AOAH: variants seen among roughly 807,000 people sequenced by gnomAD.
AOAH encodes the protein acyloxyacyl hydrolase (neutrophil).
In AOAH, 64 loss-of-function variants were observed where a neutral mutation model predicts 92.2. The observed-to-expected ratio is 0.69, with a 90% CI of 0.57 to 0.86. The LOEUF (loss-of-function observed/expected upper bound fraction) is 0.86, where lower values mean the gene tolerates loss of function less well. Among genes scored for constraint, AOAH ranks in the 40% least tolerant of loss-of-function variants. The probability of loss-of-function intolerance (pLI) is 0.00; values close to 1 mark genes in which losing one functional copy is unlikely to be tolerated. For missense variants in AOAH, 656 were observed against 694.6 expected, an observed-to-expected ratio of 0.94 and a Z score of 0.62; for synonymous variants, 263 against 254.5, an observed-to-expected ratio of 1.03 and a Z score of -0.32.
chr7:36,582,850 CTTT>C (rs35810774), intron 12 of AOAH, among the ~76,000 whole-genome samples: 1 of 146,618 alleles, frequency 6.8e-6, no homozygotes. Context: ...TAGTCAGTGT[CTTT>C]TTTTTTTTTG....
At chr7:36,670,243 G>C (rs1320747110) in intron 3 of AOAH, among the ~76,000 whole-genome samples, 1 of 152,150 alleles carries the variant, frequency 6.6e-6, no homozygotes, top group East Asian at 1.9e-4. Flanking sequence ...TAAATCATGA[G>C]GTTGTCATTT....
At chr7:36,528,321 AC>A (rs1179229720) in intron 19 of AOAH, among the ~76,000 whole-genome samples, 2 of 152,200 alleles carry the variant, frequency 1.3e-5, no homozygotes, top group African/African-American at 4.8e-5. Context: ...GCTTAATTCA[AC>A]TTTTTGCTTT....
intron 4 of AOAH, among the ~76,000 whole-genome samples, chr7:36,642,232 A>G (rs149800498): frequency 1.3e-5 from 2 of 152,180 alleles, no homozygotes; most frequent in Non-Finnish European, 2.9e-5. Context: ...CCTAATAGTT[A>G]AGCTGAGATA....
chr7:36,710,677 C>A (rs1010681568), intron 1 of AOAH, among the ~76,000 whole-genome samples: 1 of 152,200 alleles, frequency 6.6e-6, no homozygotes, highest in Non-Finnish European at 1.5e-5. Flanking sequence ...ACTGTGCAAT[C>A]TTCCTTTATA....
chr7:36,712,345 A>G (rs1373921268), intron 1 of AOAH, among the ~76,000 whole-genome samples: 1 of 152,218 alleles, frequency 6.6e-6, no homozygotes, highest in Non-Finnish European at 1.5e-5. Flanking sequence ...TGAGTAAGGG[A>G]AAAATTCAGG....
chr7:36,583,850 A>G (rs948382166), intron 12 of AOAH, among the ~76,000 whole-genome samples: 4 of 152,168 alleles, frequency 2.6e-5, no homozygotes, highest in Non-Finnish European at 5.9e-5. Flanking sequence ...CCAGCCCCAG[A>G]TTTGATTCTA....
intron 1 of AOAH, among the ~76,000 whole-genome samples, chr7:36,712,195 C>T (rs1383922672): frequency 6.6e-6 from 1 of 152,154 alleles, no homozygotes; most frequent in Admixed American, 6.5e-5. Flanking sequence ...TTATTGCTCA[C>T]ATTGGCTTGA....
chr7:36,603,597 G>A (rs1045517696), intron 11 of AOAH, among the ~76,000 whole-genome samples: 4 of 152,186 alleles, frequency 2.6e-5, no homozygotes, highest in African/African-American at 9.6e-5. Context: ...TTTGCAGGCC[G>A]TTTGGTCTCT....
chr7:36,648,422 T>C (rs1201477743), intron 4 of AOAH, among the ~76,000 whole-genome samples: 1 of 152,110 alleles, frequency 6.6e-6, no homozygotes, highest in African/African-American at 2.4e-5. Context: ...CTGACTTTTT[T>C]TTTCTTTTTG....
intron 16 of AOAH, among the ~76,000 whole-genome samples, chr7:36,535,012 G>GTC (rs1324842699): frequency 2.9e-5 from 2 of 69,716 alleles, no homozygotes; most frequent in African/African-American, 5.2e-5. Flanking sequence ...GTGTATCTGT[G>GTC]TGTGTCTGTG....
chr7:36,687,498 G>A (rs1268498090), intron 1 of AOAH, among the ~76,000 whole-genome samples: 1 of 151,326 alleles, frequency 6.6e-6, no homozygotes, highest in South Asian at 2.1e-4. Context: ...AGATTCTATC[G>A]CTTGCCTTAA....
intron 1 of AOAH, among the ~76,000 whole-genome samples, chr7:36,716,662 T>C (rs1799198443): frequency 6.7e-6 from 1 of 149,766 alleles, no homozygotes. Context: ...GATGAGTTCA[T>C]GTGCTTTGCA....
intron 2 of AOAH, among the ~76,000 whole-genome samples, chr7:36,678,213 A>G (rs1796380811): frequency 6.6e-6 from 1 of 152,134 alleles, no homozygotes. Flanking sequence ...ATGTCACAGT[A>G]TACTCAGAGA....
chr7:36,517,158 C>CTTTCTTTCT (rs1783775348), intron 20 of AOAH, among the ~76,000 whole-genome samples: 1 of 37,780 alleles, frequency 2.6e-5, no homozygotes, highest in African/African-American at 8.7e-5. Flanking sequence ...CCATGTTAGT[C>CTTTCTTTCT]TTTCTTTCTT....
At chr7:36,558,627 C>T (rs936303751) in intron 13 of AOAH, among the ~76,000 whole-genome samples, 1 of 152,256 alleles carries the variant, frequency 6.6e-6, no homozygotes, top group Non-Finnish European at 1.5e-5. Context: ...GTGGGCTCCA[C>T]CCAGTTCGAG....
At chr7:36,515,097 T>C (rs1182306835) in intron 20 of AOAH, among the ~76,000 whole-genome samples, 233 of 110,408 alleles carry the variant, frequency 2.1e-3, no homozygotes, top group Middle Eastern at 5.9e-3. Flanking sequence ...CCCCTCACAA[T>C]CCCACACCAC....
At position 36,724,065 on chromosome 7, in the gene AOAH, A is replaced by G. The variant is rs1291314792; in HGVS notation, c.84T>C (p.Asp28=). 2 of 1,613,724 alleles carry G rather than the reference A, an allele frequency of 1.2e-6. No individual in the cohort carries two copies. The highest frequency in any genetic ancestry group is 1.3e-5 in the African/African-American group (1 of 74,922). Residue 28 remains aspartate, a synonymous_variant, in exon 1 of 21, where the codon GAT becomes GAC. Transcript: ENST00000617537. ...SLQSSASPAN[D]DQSRPSLSNG... ...TCGAGAGGCTGGGCCTGGACTGGTC[A>G]TCGTTGGCTGGAGAGGCCGAGGACT...
chr7:36,524,646 A>C (rs1435190932), intron 19 of AOAH, among the ~76,000 whole-genome samples: 1 of 152,040 alleles, frequency 6.6e-6, no homozygotes, highest in Non-Finnish European at 1.5e-5. Context: ...ACTGCACTTC[A>C]GCCCGGGAGA....
intron 13 of AOAH, among the ~76,000 whole-genome samples, chr7:36,552,654 C>T (rs112631320): frequency 2.0e-5 from 3 of 152,288 alleles, no homozygotes; most frequent in Non-Finnish European, 2.9e-5. Flanking sequence ...TCCACAACCT[C>T]GCCAGCATCT....
Sources: allele counts gnomAD v4.1 joint callset (sites outside exome capture counted in the v4.1 genomes callset), GRCh38; gene constraint gnomAD v4.1.1; transcripts MANE v1.5; gene names NCBI Gene and HGNC (gene_info 2026-07-23, HGNC 2026-07-21).